The following COL26A1 variants were observed in gnomAD, a reference collection of about 807,000 sequenced individuals.
The protein encoded by COL26A1 is collagen alpha-1(XXVI) chain.
A neutral mutation model predicts 59.3 loss-of-function variants in COL26A1; 41 were observed. The observed-to-expected ratio is 0.69, with a 90% CI of 0.54 to 0.90. The LOEUF (loss-of-function observed/expected upper bound fraction) is 0.90, where lower values mean the gene tolerates loss of function less well. Among genes scored for constraint, COL26A1 ranks in the 40% least tolerant of loss-of-function variants. The pLI is 0.00. For missense variants in COL26A1, 612 were observed against 602.3 expected (o/e 1.02, Z -0.17); for synonymous variants, 266 against 256.0 (o/e 1.04, Z -0.37).
intron 2 of COL26A1, among the ~76,000 whole-genome samples, chr7:101,441,957 G>T (rs754668963): frequency 2.6e-5 from 4 of 152,152 alleles, no homozygotes; most frequent in East Asian, 1.9e-4. Flanking sequence ...GCTCAGAGAG[G>T]TTTAGGTACC....
rs113181353 is a variant in COL26A1 at position 101,488,817 on chromosome 7, T to G, written c.385+41030T>G. Among the ~76,000 whole-genome samples, 995 of 152,320 alleles carry G rather than the reference T, an allele frequency of 6.5e-3. 7 individuals are homozygous for G. Among genetic ancestry groups the G allele is most frequent in the Non-Finnish European group, 0.011 (756 of 68,030 alleles). On this transcript the variant is annotated intron_variant, in intron 3 of 12. Coordinates refer to ENST00000313669, the MANE Select transcript of COL26A1 (RefSeq NM_001278563.3). ...TTAAAGGAGGAAAAAAAGTTTATTG[T>G]GTGTGTCCTGTCTAGCGCACTCTTC...
At chr7:101,418,642 T>A (rs1322034837) in intron 1 of COL26A1, among the ~76,000 whole-genome samples, 2 of 151,912 alleles carry the variant, frequency 1.3e-5, no homozygotes, top group Admixed American at 1.3e-4. Flanking sequence ...TTTTTAAATA[T>A]TTTTGTAGAG....
intron 3 of COL26A1, among the ~76,000 whole-genome samples, chr7:101,492,579 C>T (rs1684153784): frequency 6.6e-6 from 1 of 151,560 alleles, no homozygotes; most frequent in South Asian, 2.1e-4. Flanking sequence ...CGCCTGTAAT[C>T]TCAGCTACTC....
chr7:101,540,160 GCCA>G, intron 5 of COL26A1, 111 bp downstream of exon 5: 1 of 1,136,692 alleles, frequency 8.8e-7, no homozygotes, highest in Non-Finnish European at 1.2e-6. Context: ...GTTCCAACAT[GCCA>G]TGTGGCATTT....
intron 2 of COL26A1, among the ~76,000 whole-genome samples, chr7:101,435,748 G>A (rs952149100): frequency 3.3e-5 from 5 of 152,248 alleles, no homozygotes; most frequent in Non-Finnish European, 5.9e-5. Flanking sequence ...TTCTTCGGCC[G>A]GGCTTCCCCT....
At chr7:101,540,955 A>G (rs1389542091) in intron 5 of COL26A1, among the ~76,000 whole-genome samples, 1 of 152,220 alleles carries the variant, frequency 6.6e-6, no homozygotes, top group Non-Finnish European at 1.5e-5. Context: ...CAGCCTGGGC[A>G]ACATAGTGAG....
At chr7:101,450,223 C>T (rs1249003398) in intron 3 of COL26A1, among the ~76,000 whole-genome samples, 1 of 151,886 alleles carries the variant, frequency 6.6e-6, no homozygotes, top group East Asian at 1.9e-4. Context: ...CTCTAGTTGT[C>T]GCCTCCCAGT....
intron 3 of COL26A1, among the ~76,000 whole-genome samples, chr7:101,513,002 A>G (rs1259110655): frequency 6.6e-6 from 1 of 151,166 alleles, no homozygotes; most frequent in African/African-American, 2.4e-5. Context: ...CAATTTTATT[A>G]TTATTATTAT....
chr7:101,426,384 C>T (rs975546074), intron 2 of COL26A1, among the ~76,000 whole-genome samples: 19 of 152,060 alleles, frequency 1.2e-4, no homozygotes, highest in Non-Finnish European at 4.4e-5. Context: ...CTGGGAGAGG[C>T]GGCCAGGTCT....
At chr7:101,454,188 A>G (rs956660700) in intron 3 of COL26A1, among the ~76,000 whole-genome samples, 1 of 151,684 alleles carries the variant, frequency 6.6e-6, no homozygotes. Flanking sequence ...ACCAGGTGAC[A>G]CCCTGGCTCC....
At chr7:101,492,124 G>A (rs59254444) in intron 3 of COL26A1, among the ~76,000 whole-genome samples, 1 of 152,268 alleles carries the variant, frequency 6.6e-6, no homozygotes, top group East Asian at 1.9e-4. Context: ...AAGCCTGGAT[G>A]TTGAATTTAA....
rs185015678 is a variant in COL26A1 at position 101,424,376 on chromosome 7, T to A, written c.281+4277T>A. Among the ~76,000 whole-genome samples the A allele has an allele frequency of 9.3e-4, 142 of 152,046 alleles. No homozygotes were observed. In the East Asian group the frequency reaches 0.022, roughly 24 times the overall value. On this transcript the variant is annotated intron_variant, in intron 2 of 12. Coordinates refer to ENST00000313669, the MANE Select transcript of COL26A1 (RefSeq NM_001278563.3). ...ACTTTGGGGGGCCAAGGAGGGTGGA[T>A]CACCTGAGGTCAGGAGTTTGAGACC... is the stretch of plus-strand genomic sequence containing the variant.
chr7:101,518,382 T>A (rs1275724054), intron 3 of COL26A1, among the ~76,000 whole-genome samples: 1 of 152,212 alleles, frequency 6.6e-6, no homozygotes, highest in Non-Finnish European at 1.5e-5. Context: ...GCTCCAAGGC[T>A]GCCAGCTTTG....
chr7:101,472,513 T>C (rs961697525), intron 3 of COL26A1, among the ~76,000 whole-genome samples: 5 of 152,118 alleles, frequency 3.3e-5, no homozygotes, highest in Admixed American at 1.3e-4. Context: ...GTCACTCTGG[T>C]TGAGACTCCT....
intron 1 of COL26A1, among the ~76,000 whole-genome samples, chr7:101,375,534 A>G (rs1584350816): frequency 6.6e-6 from 1 of 151,806 alleles, no homozygotes; most frequent in African/African-American, 2.4e-5. Context: ...CCTGTCTACA[A>G]AAAAATAAAA....
At chr7:101,404,209 G>T (rs1792076049) in intron 1 of COL26A1, among the ~76,000 whole-genome samples, 1 of 152,142 alleles carries the variant, frequency 6.6e-6, no homozygotes, top group African/African-American at 2.4e-5. Context: ...AGGAGGCAGG[G>T]TCTTTGACTG....
intron 2 of COL26A1, among the ~76,000 whole-genome samples, chr7:101,430,152 T>C (rs1193551008): frequency 6.6e-6 from 1 of 152,200 alleles, no homozygotes; most frequent in Admixed American, 6.6e-5. Context: ...TGATATCTTG[T>C]AGTTTTGGGC....
chr7:101,434,182 CCTT>C (rs1792856200), intron 2 of COL26A1, among the ~76,000 whole-genome samples: 3 of 129,728 alleles, frequency 2.3e-5, no homozygotes, highest in African/African-American at 6.1e-5. Context: ...TTCCTTCCTT[CCTT>C]CTCTCTCTCT....
At chr7:101,501,934 T>C (rs1413527892) in intron 3 of COL26A1, among the ~76,000 whole-genome samples, 2 of 151,914 alleles carry the variant, frequency 1.3e-5, no homozygotes, top group African/African-American at 4.8e-5. Flanking sequence ...GTACATGGGC[T>C]GCGTGTGCAG....
Sources: allele counts gnomAD v4.1 joint callset (sites outside exome capture counted in the v4.1 genomes callset), GRCh38; gene constraint gnomAD v4.1.1; transcripts MANE v1.5; gene names NCBI Gene and HGNC (gene_info 2026-07-23, HGNC 2026-07-21).